The following RAD54B variants were observed in gnomAD, a reference collection of about 807,000 sequenced individuals.
RAD54B encodes the protein DNA repair and recombination protein RAD54B.
In RAD54B, 78 loss-of-function variants were observed where a neutral mutation model predicts 95.8. The observed-to-expected ratio is 0.81, with a 90% CI of 0.68 to 0.98. The LOEUF is 0.98. Among genes scored for constraint, RAD54B ranks in the 50% least tolerant of loss-of-function variants. The pLI is 0.00. For synonymous variants in RAD54B, 328 were observed against 354.9 expected (o/e 0.92, Z 0.85); for missense variants, 957 against 1,056.6 (o/e 0.91, Z 1.31).
intron 10 of RAD54B, among the ~76,000 whole-genome samples, chr8:94,389,275 C>G (rs555274500): frequency 7.9e-5 from 12 of 152,310 alleles, no homozygotes; most frequent in Non-Finnish European, 1.6e-4. Context: ...TCTTAATGCA[C>G]AAGTTCTTAA....
At chr8:94,462,146 T>C (rs199514358) in intron 2 of RAD54B, among the ~76,000 whole-genome samples, 4 of 152,154 alleles carry the variant, frequency 2.6e-5, no homozygotes, top group East Asian at 3.8e-4. Flanking sequence ...GATTGTGAAT[T>C]TGGGGCAAGA....
intron 3 of RAD54B, among the ~76,000 whole-genome samples, chr8:94,454,435 A>C (rs1214955833): frequency 6.6e-6 from 1 of 152,246 alleles, no homozygotes; most frequent in African/African-American, 2.4e-5. Flanking sequence ...TATGTTATGT[A>C]TATTTTATCA....
intron 3 of RAD54B, chr8:94,432,737 GTACAT>G: frequency 7.4e-7 from 1 of 1,358,018 alleles, no homozygotes; most frequent in Non-Finnish European, 9.5e-7. Context: ...TTAATTTAAT[GTACAT>G]TAAATGATAA....
At chr8:94,437,296 T>A (rs1228939028) in intron 3 of RAD54B, among the ~76,000 whole-genome samples, 1 of 152,210 alleles carries the variant, frequency 6.6e-6, no homozygotes, top group African/African-American at 2.4e-5. Flanking sequence ...AAAGAGGAAC[T>A]GTTTTGTGCT....
At chr8:94,429,478 G>T (rs911237780) in intron 3 of RAD54B, 119 of 982,016 alleles carry the variant, frequency 1.2e-4, no homozygotes, top group Non-Finnish European at 1.4e-4. Flanking sequence ...CTGATTTGCT[G>T]TAAAAGCCAA....
rs1039845933 is a variant in RAD54B at position 94,430,991 on chromosome 8, C to T, written c.305-19676G>A. The T allele has an allele frequency of 3.0e-6, 3 of 985,236 alleles. No homozygotes were observed. In the African/African-American group the frequency reaches 5.2e-5, roughly 17 times the overall value. The allele number at this position is 985,236 out of a possible 1,614,324, so 61.0% of individuals were successfully genotyped here. A position where few individuals can be genotyped will look rare whatever the true frequency, so the allele number is the denominator to read the frequency against. On this transcript the variant is annotated intron_variant, in intron 3 of 14. Coordinates refer to ENST00000336148, the MANE Select transcript of RAD54B (RefSeq NM_012415.3). The stretch of plus-strand genomic sequence containing the variant: ...CTTTTTTCCAGCGTCTCACTCTTGA[C>T]TTCAAACACCCATGGTCCCCTTCAC...
chr8:94,402,735 T>A (rs753420210), intron 6 of RAD54B, among the ~76,000 whole-genome samples: 1 of 152,316 alleles, frequency 6.6e-6, no homozygotes, highest in African/African-American at 2.4e-5. Flanking sequence ...TGTTCAGAAC[T>A]GTTTTTCAGA....
chr8:94,444,968 G>A (rs982829465), intron 3 of RAD54B, among the ~76,000 whole-genome samples: 1 of 152,142 alleles, frequency 6.6e-6, no homozygotes, highest in Non-Finnish European at 1.5e-5. Flanking sequence ...AACTGTCAGC[G>A]AGCAGGCACA....
chr8:94,401,111 T>C (rs1379068911), intron 6 of RAD54B, among the ~76,000 whole-genome samples: 1 of 152,226 alleles, frequency 6.6e-6, no homozygotes, highest in African/African-American at 2.4e-5. Context: ...GTATGTTTTA[T>C]ATTTTTAAAG....
Position 94,467,393 on chromosome 8 carries a change from T to C in RAD54B, c.135+12A>G. On this transcript the variant is annotated intron_variant, in intron 2 of 14. Coordinates refer to ENST00000336148, the MANE Select transcript of RAD54B (RefSeq NM_012415.3). ...CTATATTATCTATATCATGAGTCTTTTTTTGCCTTACCTCAAATAATTTTA... is the reference window on the plus strand; with the variant it reads ...CTATATTATCTATATCATGAGTCTTCTTTTGCCTTACCTCAAATAATTTTA... The C allele has an allele frequency of 6.3e-7, 1 of 1,595,252 alleles. No individual in the cohort carries two copies. Among genetic ancestry groups the C allele is most frequent in the Non-Finnish European group, 8.6e-7 (1 of 1,169,100 alleles).
Position 94,399,515 on chromosome 8 carries a change from T to A in RAD54B, c.1277A>T (p.Asp426Val). ...ATGCCCCTCGTCACAGATTAGAAGATCAAATTTTATATTCTTAATTTGATC... is the reference window on the plus strand; with the variant it reads ...ATGCCCCTCGTCACAGATTAGAAGAACAAATTTTATATTCTTAATTTGATC... ...SLDQIKNIKFDLLICDEGHRL... is the reference protein window; with the variant it reads ...SLDQIKNIKFVLLICDEGHRL... The change falls in exon 8 of 15, where the codon GAT becomes GTT. Residue 426 changes from aspartate (D) to valine (V), a missense_variant. Coordinates refer to ENST00000336148, the MANE Select transcript of RAD54B (RefSeq NM_012415.3). 1.2e-6 allele frequency: 2 copies of A among 1,613,468 alleles called. No individual in the cohort carries two copies. Among genetic ancestry groups the A allele is most frequent in the Non-Finnish European group, 1.7e-6 (2 of 1,179,642 alleles).
intron 6 of RAD54B, among the ~76,000 whole-genome samples, chr8:94,403,438 A>G (rs2130017135): frequency 6.6e-6 from 1 of 152,242 alleles, no homozygotes; most frequent in South Asian, 2.1e-4. Flanking sequence ...GCACTTTGGG[A>G]GGCTGAGGTG....
chr8:94,471,652 A>C (rs1186281060), intron 1 of RAD54B, among the ~76,000 whole-genome samples: 1 of 152,084 alleles, frequency 6.6e-6, no homozygotes, highest in African/African-American at 2.4e-5. Flanking sequence ...TACATGCCAC[A>C]ACATTAACCC....
At chr8:94,379,171 C>G (rs1178131546) in intron 12 of RAD54B, among the ~76,000 whole-genome samples, 1 of 152,098 alleles carries the variant, frequency 6.6e-6, no homozygotes, top group African/African-American at 2.4e-5. Context: ...GAATGTCCTG[C>G]CTGATATGAG....
intron 5 of RAD54B, 95 bp downstream of exon 5, chr8:94,407,344 T>C: frequency 7.9e-7 from 1 of 1,265,988 alleles, no homozygotes; most frequent in South Asian, 1.5e-5. Context: ...TACTTTCACC[T>C]AAAACTTTTA....
In RAD54B at chr8:94,372,217, C is replaced by A. The variant is rs1810457322; in HGVS notation, c.2686G>T (p.Val896Leu). 1.2e-6 allele frequency: 2 copies of A among 1,611,802 alleles called. No individual in the cohort carries two copies. The highest frequency in any genetic ancestry group is 1.7e-6 in the Non-Finnish European group (2 of 1,179,286). ...DPFLERITEN[V>L]SFIFQNITTQ... ...GTTATATTCTGAAAAATGAATGACA[C>A]ATTTTCTGTTATTCTTTCAAGAAAA... The change falls in exon 15 of 15, where the codon GTG (valine) becomes TTG (leucine). Residue 896 changes from valine (V) to leucine (L), a missense_variant. Val to Leu is a conservative substitution (Grantham distance 32). Coordinates refer to ENST00000336148, the MANE Select transcript of RAD54B (RefSeq NM_012415.3).
chr8:94,428,789 C>T (rs981455834), intron 3 of RAD54B: 1 of 985,032 alleles, frequency 1.0e-6, no homozygotes, highest in Non-Finnish European at 1.2e-6. Flanking sequence ...TGAAACTTGT[C>T]CTCAACAAAA....
chr8:94,401,127 A>G (rs1811257048), intron 6 of RAD54B, among the ~76,000 whole-genome samples: 1 of 152,220 alleles, frequency 6.6e-6, no homozygotes, highest in East Asian at 1.9e-4. Context: ...TAAAGTTAAG[A>G]AAGTCCAAGG....
intron 4 of RAD54B, among the ~76,000 whole-genome samples, chr8:94,409,059 C>T (rs1017832862): frequency 2.6e-5 from 4 of 151,896 alleles, no homozygotes; most frequent in African/African-American, 9.7e-5. Flanking sequence ...TGCATTATCA[C>T]AAGCTATTAG....
Sources: allele counts gnomAD v4.1 joint callset (sites outside exome capture counted in the v4.1 genomes callset), GRCh38; gene constraint gnomAD v4.1.1; transcripts MANE v1.5; gene names NCBI Gene and HGNC (gene_info 2026-07-23, HGNC 2026-07-21).